The following MAP3K4 variants were observed in gnomAD, a reference collection of about 807,000 sequenced individuals.
MAP3K4 encodes the protein MAP three kinase 1.
Under a neutral mutation model 185.6 loss-of-function variants are expected in MAP3K4, and 67 were observed. That is an observed-to-expected ratio of 0.36 (90% confidence interval 0.30 to 0.44). The LOEUF is 0.44. MAP3K4 is among the 20% of genes least tolerant of loss of function. MAP3K4 has a pLI of 1.00. For missense variants in MAP3K4, 1,551 were observed against 1,995.1 expected (o/e 0.78, Z 4.24); for synonymous variants, 702 against 710.4 (o/e 0.99, Z 0.19).
At chr6:160,993,491 G>A (rs908604164) in intron 1 of MAP3K4, among the ~76,000 whole-genome samples, 1 of 152,090 alleles carries the variant, frequency 6.6e-6, no homozygotes, top group African/African-American at 2.4e-5. Context: ...TGACAGATGA[G>A]GAAACTGAGG....
At chr6:161,036,292 A>G (rs1162205214) in intron 2 of MAP3K4, among the ~76,000 whole-genome samples, 1 of 152,222 alleles carries the variant, frequency 6.6e-6, no homozygotes, top group East Asian at 1.9e-4. Flanking sequence ...GCTAATGCTC[A>G]CAGACCCTTT....
Position 161,070,672 on chromosome 6 carries a change from C to T in MAP3K4, c.1772C>T (p.Ser591Leu), listed in dbSNP as rs1784898230. The change falls in exon 4 of 27, where the codon TCA (serine) becomes TTA (leucine). Residue 591 changes from serine to leucine, a missense_variant. By Grantham distance (145) the Ser-to-Leu change is moderately radical. Around this residue, in one of 16 missense-constraint regions of MAP3K4, gnomAD observed 86 missense variants for 81.6 expected, o/e 1.05. Transcript: ENST00000392142. The surrounding 1 kb of genome is among the most constrained non-coding windows in gnomAD (Gnocchi z 4.5). ...GTGCAGTTGTCAAGGACACCACCTT[C>T]ATCTGAGGAGAAATGCAGTGCTGTG... ...DYVQLSRTPP[S>L]SEEKCSAVSW... is the part of the protein sequence containing the mutation. 1 of 1,613,952 alleles carries T rather than the reference C, an allele frequency of 6.2e-7. No individual in the cohort carries two copies. Among genetic ancestry groups the T allele is most frequent in the African/African-American group, 1.3e-5 (1 of 75,028 alleles).
At position 161,007,148 on chromosome 6, in the gene MAP3K4, G is replaced by C. The variant is rs575775552; in HGVS notation, c.152+15065G>C. Among the ~76,000 whole-genome samples, 31 of 152,302 alleles carry C rather than the reference G, an allele frequency of 2.0e-4. No individual in the cohort carries two copies. The highest frequency in any genetic ancestry group is 7.5e-4 in the African/African-American group (31 of 41,574). ...CCCCAGGTCACAGACCAGAAACAAG[G>C]CACAGGGGAACCCAGAGGTCTTGTT... On this transcript the variant is annotated intron_variant, in intron 1 of 26. Transcript: ENST00000392142. This position sits in a 1 kb window ranked among gnomAD's most constrained non-coding sequence, Gnocchi z 4.5.
chr6:161,057,024 A>G (rs539370381), intron 3 of MAP3K4, among the ~76,000 whole-genome samples: 8 of 152,318 alleles, frequency 5.3e-5, no homozygotes, highest in Admixed American at 1.3e-4. Context: ...AATATATTGT[A>G]ATGTAATGTA....
rs116634396 is a variant in MAP3K4, at chr6:161,038,483, C to A, written c.343+4034C>A. Among the ~76,000 whole-genome samples, 235 of 152,314 alleles carry A rather than the reference C, an allele frequency of 1.5e-3. 1 individual carries two copies. The highest frequency in any genetic ancestry group is 5.4e-3 in the African/African-American group (223 of 41,568). On this transcript the variant is annotated intron_variant, in intron 2 of 26. Transcript: ENST00000392142. ...GGAAATGTGAACTGTTACATTATTTCTTTCTCACTGCAACAGACAAAGGAT... is the reference window on the plus strand; with the variant it reads ...GGAAATGTGAACTGTTACATTATTTATTTCTCACTGCAACAGACAAAGGAT...
chr6:161,073,637 T>C lies in MAP3K4; in HGVS notation c.2097+25T>C, dbSNP rs1785046543. 1 of 1,587,870 alleles carries C rather than the reference T, an allele frequency of 6.3e-7. No homozygotes were observed. On this transcript the variant is annotated intron_variant, in intron 5 of 26. Transcript: ENST00000392142. This position sits in a 1 kb window ranked among gnomAD's most constrained non-coding sequence, Gnocchi z 4.2. ...GGTCAGAAGCAGTGGGGAGGAATTT[T>C]TCTTTCTTTCTTTGTTTCTTTTTTT... is the stretch of plus-strand genomic sequence containing the variant.
chr6:161,046,711 G>A lies in MAP3K4; in HGVS notation c.344-1905G>A, dbSNP rs142233786. On this transcript the variant is annotated intron_variant, in intron 2 of 26. Coordinates refer to ENST00000392142, the MANE Select transcript of MAP3K4 (RefSeq NM_005922.4). ...CCTTATTTTAAGACTAATTTGAATC[G>A]GTTAGGAAGTAAATTGGTTTTAAGC... 6.6e-5 allele frequency among the ~76,000 whole-genome samples: 10 copies of A among 150,986 alleles called. No individual in the cohort carries two copies. The East Asian group carries it at 9.7e-4, about 15-fold the overall frequency.
Position 161,111,748 on chromosome 6 carries a change from A to G in MAP3K4, c.4397-88A>G, listed in dbSNP as rs1041704374. 12 of 1,274,716 alleles carry G rather than the reference A, an allele frequency of 9.4e-6. No individual in the cohort carries two copies. In the African/African-American group the frequency reaches 1.3e-4, roughly 14 times the overall value. 79.0% of individuals were successfully genotyped at this position (1,274,716 alleles called of 1,614,324 possible). On this transcript the variant is annotated intron_variant, in intron 23 of 26. Transcript: ENST00000392142. ...AGCCTTTCGATTGTTTAGCTTGTGAATGAAGTTCCTGGTCGTTTAGATTAC... is the reference window on the plus strand; with the variant it reads ...AGCCTTTCGATTGTTTAGCTTGTGAGTGAAGTTCCTGGTCGTTTAGATTAC...
At position 160,996,242 on chromosome 6, in the gene MAP3K4, G is replaced by A. The variant is rs544327303; in HGVS notation, c.152+4159G>A. Among the ~76,000 whole-genome samples the A allele has an allele frequency of 3.3e-5, 5 of 152,298 alleles. No homozygotes were observed. Among genetic ancestry groups the A allele is most frequent in the East Asian group, 1.9e-4 (1 of 5,178 alleles). ...AGTAGATGCCATTGGCGGGGGTGGC[G>A]TTAGGCAGAGAGGAGTCACCAAACA... is the stretch of plus-strand genomic sequence containing the variant. On this transcript the variant is annotated intron_variant, in intron 1 of 26. Transcript: ENST00000392142. The surrounding 1 kb of genome is among the most constrained non-coding windows in gnomAD (Gnocchi z 4.5).
chr6:161,075,251 C>T lies in MAP3K4; in HGVS notation c.2097+1639C>T, dbSNP rs1785117748. 6.6e-6 allele frequency among the ~76,000 whole-genome samples: 1 copy of T among 152,142 alleles called. No individual in the cohort carries two copies. The highest frequency in any genetic ancestry group is 1.5e-5 in the Non-Finnish European group (1 of 68,028). On this transcript the variant is annotated intron_variant, in intron 5 of 26. Transcript: ENST00000392142. The surrounding 1 kb of genome is among the most constrained non-coding windows in gnomAD (Gnocchi z 4.3). ...CTTCCTGTAGTCTCAACCTACTGGGCTCAAACGATCCTCCTGCCTCAGCCT... is the reference window on the plus strand; with the variant it reads ...CTTCCTGTAGTCTCAACCTACTGGGTTCAAACGATCCTCCTGCCTCAGCCT...
intron 1 of MAP3K4, among the ~76,000 whole-genome samples, chr6:161,006,651 C>A (rs1328291540): frequency 6.6e-6 from 1 of 152,128 alleles, no homozygotes; most frequent in Non-Finnish European, 1.5e-5. Flanking sequence ...GAGCTCTCTC[C>A]TTTAAGGGAT....
chr6:161,001,289 TATAA>T (rs1333884259), intron 1 of MAP3K4, among the ~76,000 whole-genome samples: 4 of 151,884 alleles, frequency 2.6e-5, no homozygotes, highest in African/African-American at 7.2e-5. Context: ...AGCTATGTGT[TATAA>T]ATGTTATCAA....
chr6:161,066,079 TAA>T (rs1037902232), intron 3 of MAP3K4, among the ~76,000 whole-genome samples: 18 of 152,312 alleles, frequency 1.2e-4, no homozygotes, highest in African/African-American at 4.3e-4. Context: ...GCAACCTATA[TAA>T]GTTTTGTTAA....
chr6:161,024,738 C>T lies in MAP3K4; in HGVS notation c.153-9521C>T, dbSNP rs571325485. 7.2e-5 allele frequency among the ~76,000 whole-genome samples: 11 copies of T among 152,296 alleles called. No homozygotes were observed. In the South Asian group the frequency reaches 2.3e-3, roughly 32 times the overall value. On this transcript the variant is annotated intron_variant, in intron 1 of 26. Coordinates refer to ENST00000392142, the MANE Select transcript of MAP3K4 (RefSeq NM_005922.4). ...CACGTGCTGTCAACATGGCTTACCA[C>T]TGATATGTTAAGCTTGATCGCCTGT... is the stretch of plus-strand genomic sequence containing the variant.
rs1011167283 is a variant in MAP3K4, at chr6:161,084,207, A to G, written c.2256-294A>G. On this transcript the variant is annotated intron_variant, in intron 6 of 26. Transcript: ENST00000392142. This position sits in a 1 kb window ranked among gnomAD's most constrained non-coding sequence, Gnocchi z 4.6. ...TGAGGCCATTTTATGGAAAATTTCC[A>G]TTTAGATGGAAATAACATTTGTGTA... Among the ~76,000 whole-genome samples, 1 of 152,204 alleles carries G rather than the reference A, an allele frequency of 6.6e-6. No individual in the cohort carries two copies. The highest frequency in any genetic ancestry group is 1.5e-5 in the Non-Finnish European group (1 of 68,040).
rs1335618121 is a variant in MAP3K4, at chr6:161,097,276, C to A, written c.3524+100C>A. On this transcript the variant is annotated intron_variant, in intron 16 of 26. Transcript: ENST00000392142. This position sits in a 1 kb window ranked among gnomAD's most constrained non-coding sequence, Gnocchi z 4.9. ...AGATGCTTGCTCTGAGAGCTAAATA[C>A]CTTTTCTGCATTGTTCGTACGTAAA... 2.0e-6 allele frequency: 2 copies of A among 975,700 alleles called. No individual in the cohort carries two copies. Among genetic ancestry groups the A allele is most frequent in the African/African-American group, 1.6e-5 (1 of 62,598 alleles). 60.4% of individuals were successfully genotyped at this position (975,700 alleles called of 1,614,324 possible).
intron 1 of MAP3K4, among the ~76,000 whole-genome samples, chr6:161,013,177 A>G (rs1307202505): frequency 1.3e-5 from 2 of 152,214 alleles, no homozygotes; most frequent in Non-Finnish European, 1.5e-5. Flanking sequence ...CAGTGTTACT[A>G]AAAACTGTTT....
chr6:161,036,789 A>G (rs1160041983), intron 2 of MAP3K4, among the ~76,000 whole-genome samples: 1 of 152,188 alleles, frequency 6.6e-6, no homozygotes, highest in Non-Finnish European at 1.5e-5. Context: ...CCTAATCTAC[A>G]TGCTCCAGAG....
intron 2 of MAP3K4, among the ~76,000 whole-genome samples, chr6:161,039,760 T>C (rs935691540): frequency 2.0e-5 from 3 of 152,222 alleles, no homozygotes; most frequent in Non-Finnish European, 4.4e-5. Flanking sequence ...AATACAGCAT[T>C]ATGGAATTTT....
Sources: gnomAD v4.1 joint callset for allele counts (sites outside exome capture counted in the v4.1 genomes callset) on GRCh38, gnomAD v4.1.1 for gene constraint, gnomAD v4.1.1 regional missense constraint, Gnocchi (gnomAD v3.1) non-coding constraint, MANE v1.5 for transcripts, NCBI Gene and HGNC (gene_info 2026-07-23, HGNC 2026-07-21) for gene names.